Variants in PRKCE observed in about 807,000 individuals in gnomAD.
PRKCE encodes protein kinase C epsilon type.
Under a neutral mutation model 85.4 loss-of-function variants are expected in PRKCE, and 16 were observed. The observed-to-expected ratio is 0.19, with a 90% CI of 0.13 to 0.28. PRKCE has a LOEUF of 0.28. PRKCE is among the 10% of genes least tolerant of loss of function. PRKCE has a pLI of 1.00. For synonymous variants in PRKCE, 388 were observed against 371.5 expected (o/e 1.04, Z -0.51); for missense variants, 573 against 975.2 (o/e 0.59, Z 5.49).
chr2:45,806,578 A>G (rs1688259396), intron 1 of PRKCE, among the ~76,000 whole-genome samples: 3 of 152,190 alleles, frequency 2.0e-5, no homozygotes. Context: ...TTTAAACAGC[A>G]ACCCCCATTC....
chr2:45,836,511 G>C (rs527634235), intron 1 of PRKCE, among the ~76,000 whole-genome samples: 25 of 152,334 alleles, frequency 1.6e-4, no homozygotes, highest in African/African-American at 6.0e-4. Context: ...CTTTCCAAAT[G>C]CAGAGCTGGG....
At chr2:46,038,655 A>T (rs1190559925) in intron 10 of PRKCE, among the ~76,000 whole-genome samples, 4 of 41,474 alleles carry the variant, frequency 9.6e-5, no homozygotes, top group African/African-American at 3.3e-4. Flanking sequence ...ACAACTTCAC[A>T]CACACACACA....
Position 45,865,696 on chromosome 2 carries a change from G to T in PRKCE, c.412+22633G>T, listed in dbSNP as rs111435193. 3.7e-3 allele frequency among the ~76,000 whole-genome samples: 564 copies of T among 152,232 alleles called. 5 individuals carry two copies. The highest frequency in any genetic ancestry group is 0.013 in the African/African-American group (528 of 41,538). ...GAGGCTGCTGTGCTTCTCCCCTGTG[G>T]AGTCTCACAATATTGGAAGCAGAGA... On this transcript the variant is annotated intron_variant, in intron 2 of 14. Coordinates refer to ENST00000306156, the MANE Select transcript of PRKCE (RefSeq NM_005400.3).
intron 1 of PRKCE, among the ~76,000 whole-genome samples, chr2:45,691,087 G>A (rs947793974): frequency 2.6e-5 from 4 of 152,168 alleles, no homozygotes; most frequent in African/African-American, 9.7e-5. Flanking sequence ...CATACATGGG[G>A]AGCATTAAGT....
chr2:45,860,637 G>T (rs573249872), intron 2 of PRKCE, among the ~76,000 whole-genome samples: 5 of 152,308 alleles, frequency 3.3e-5, no homozygotes, highest in South Asian at 2.1e-4. Flanking sequence ...TGGGGAGGGG[G>T]TGTAGTGGCT....
intron 2 of PRKCE, among the ~76,000 whole-genome samples, chr2:45,962,789 C>G (rs1701467939): frequency 1.3e-5 from 2 of 152,102 alleles, no homozygotes; most frequent in African/African-American, 2.4e-5. Context: ...GGGAGAGGCA[C>G]TGTGCTGTGT....
At chr2:46,011,271 C>T (rs1367458231) in intron 10 of PRKCE, among the ~76,000 whole-genome samples, 1 of 152,198 alleles carries the variant, frequency 6.6e-6, no homozygotes, top group Non-Finnish European at 1.5e-5. Flanking sequence ...CCTGAAACTC[C>T]TAGCTGTGGC....
intron 1 of PRKCE, among the ~76,000 whole-genome samples, chr2:45,712,475 C>A (rs1156778510): frequency 6.6e-6 from 1 of 152,002 alleles, no homozygotes; most frequent in East Asian, 1.9e-4. Flanking sequence ...TTTTTGACAC[C>A]CAAATCTGAT....
chr2:45,720,802 T>G (rs1018850858), intron 1 of PRKCE, among the ~76,000 whole-genome samples: 4 of 152,144 alleles, frequency 2.6e-5, no homozygotes, highest in Non-Finnish European at 5.9e-5. Context: ...GTTACTACTT[T>G]TAGTTCTCAG....
At chr2:46,096,198 G>A (rs534875404) in intron 11 of PRKCE, among the ~76,000 whole-genome samples, 43 of 152,350 alleles carry the variant, frequency 2.8e-4, no homozygotes, top group African/African-American at 1.0e-3. Flanking sequence ...TAATTAAACT[G>A]TTTGAAATGC....
rs141986264 is a variant in PRKCE at position 45,994,834 on chromosome 2, T to C, written c.824-6570T>C. ...TAATTGCTGGATCTTATGGTAATGG[T>C]ATATTTAGTTTTGTAAGAAACTGCC... On this transcript the variant is annotated intron_variant, in intron 6 of 14. Transcript: ENST00000306156. Among the ~76,000 whole-genome samples the C allele has an allele frequency of 5.3e-5, 8 of 152,254 alleles. No homozygotes were observed. In the East Asian group the frequency reaches 1.5e-3, roughly 29 times the overall value.
At chr2:46,019,246 G>A (rs1706430492) in intron 10 of PRKCE, among the ~76,000 whole-genome samples, 1 of 152,198 alleles carries the variant, frequency 6.6e-6, no homozygotes, top group Non-Finnish European at 1.5e-5. Flanking sequence ...CCCCATGCCT[G>A]TATGAGTTTT....
chr2:46,182,847 C>A (rs1372181090), intron 14 of PRKCE, among the ~76,000 whole-genome samples: 4 of 152,258 alleles, frequency 2.6e-5, no homozygotes, highest in African/African-American at 9.6e-5. Context: ...GTGGTGTTAC[C>A]AAAATGTCTC....
At chr2:45,896,633 A>G (rs1696163148) in intron 2 of PRKCE, among the ~76,000 whole-genome samples, 1 of 152,222 alleles carries the variant, frequency 6.6e-6, no homozygotes, top group African/African-American at 2.4e-5. Flanking sequence ...CCTCTTATCA[A>G]AGTAGCGCAG....
At chr2:45,854,680 C>T (rs189386196) in intron 2 of PRKCE, among the ~76,000 whole-genome samples, 9 of 152,280 alleles carry the variant, frequency 5.9e-5, no homozygotes, top group African/African-American at 1.4e-4. Flanking sequence ...CGAATACGGG[C>T]GTGAGTCCAT....
At chr2:45,699,833 T>C (rs1678470430) in intron 1 of PRKCE, among the ~76,000 whole-genome samples, 1 of 152,120 alleles carries the variant, frequency 6.6e-6, no homozygotes, top group Non-Finnish European at 1.5e-5. Context: ...TCTCTTGGAA[T>C]CCCGGAAGGC....
At chr2:46,119,457 T>C (rs1673104402) in intron 11 of PRKCE, among the ~76,000 whole-genome samples, 1 of 152,210 alleles carries the variant, frequency 6.6e-6, no homozygotes, top group African/African-American at 2.4e-5. Context: ...ATAAAATTCC[T>C]GAGTATAAAA....
At chr2:45,731,768 T>C (rs1051687768) in intron 1 of PRKCE, among the ~76,000 whole-genome samples, 2 of 151,882 alleles carry the variant, frequency 1.3e-5, no homozygotes, top group African/African-American at 4.8e-5. Context: ...GGACCATGGG[T>C]GTGTGCCACC....
intron 10 of PRKCE, among the ~76,000 whole-genome samples, chr2:46,026,364 C>T (rs2104914794): frequency 6.6e-6 from 1 of 152,164 alleles, no homozygotes; most frequent in South Asian, 2.1e-4. Context: ...GGACAAGAAT[C>T]GGGAGTATGG....
Sources: gnomAD v4.1 joint callset for allele counts (sites outside exome capture counted in the v4.1 genomes callset) on GRCh38, gnomAD v4.1.1 for gene constraint, MANE v1.5 for transcripts, NCBI Gene and HGNC (gene_info 2026-07-23, HGNC 2026-07-21) for gene names.